The following SAMD12 variants were observed in gnomAD, a reference collection of about 807,000 sequenced individuals.
The protein encoded by SAMD12 is sterile alpha motif domain-containing protein 12.
SAMD12 carries 9 observed loss-of-function variants against 15.0 expected under a neutral mutation model. The ratio of observed to expected loss-of-function variants is 0.60; its 90% CI spans 0.36 to 1.05. The LOEUF (loss-of-function observed/expected upper bound fraction) is 1.05. Among genes scored for constraint, SAMD12 ranks in the 50% least tolerant of loss-of-function variants. The probability of loss-of-function intolerance (pLI) is 0.01; values close to 1 mark genes in which losing one functional copy is unlikely to be tolerated. For missense variants in SAMD12, 230 were observed against 234.2 expected (o/e 0.98, Z 0.12); for synonymous variants, 86 against 90.1 (o/e 0.96, Z 0.25).
At chr8:118,304,618 G>C (rs1357587340) in intron 4 of SAMD12, among the ~76,000 whole-genome samples, 8 of 151,906 alleles carry the variant, frequency 5.3e-5, no homozygotes, top group Non-Finnish European at 4.4e-5. Flanking sequence ...AAATTACCCG[G>C]GAGTGGTGGT....
Position 118,391,358 on chromosome 8 carries a change from TC to T in SAMD12, c.323-11659del, listed in dbSNP as rs573779038. ...CAAAACCTCTAGGTACTTTTATTTG[TC>T]TGCATTTGTATGCACTGGTTTGGGA... is the stretch of plus-strand genomic sequence containing the variant. On this transcript the variant is annotated intron_variant, in intron 3 of 3. Transcript: ENST00000314727. Among the ~76,000 whole-genome samples, 13 of 152,370 alleles carry T rather than the reference TC, an allele frequency of 8.5e-5. No individual in the cohort carries two copies. The East Asian group carries it at 2.5e-3, about 29-fold the overall frequency.
intron 2 of SAMD12, among the ~76,000 whole-genome samples, chr8:118,557,997 A>T (rs965399631): frequency 6.6e-6 from 1 of 152,182 alleles, no homozygotes; most frequent in African/African-American, 2.4e-5. Context: ...TGCATGAATA[A>T]AACAATCCAC....
chr8:118,453,663 G>A (rs940673341), intron 2 of SAMD12, among the ~76,000 whole-genome samples: 4 of 151,970 alleles, frequency 2.6e-5, no homozygotes, highest in African/African-American at 9.7e-5. Context: ...TGGGACTACA[G>A]GTGCATGCCC....
intron 2 of SAMD12, among the ~76,000 whole-genome samples, chr8:118,530,466 G>T (rs752178920): frequency 1.8e-4 from 28 of 152,134 alleles, no homozygotes; most frequent in African/African-American, 6.8e-4. Flanking sequence ...TGAGAACCTG[G>T]TATTTGGTTT....
intron 3 of SAMD12, among the ~76,000 whole-genome samples, chr8:118,424,563 G>A (rs1439801778): frequency 6.6e-6 from 1 of 152,114 alleles, no homozygotes; most frequent in East Asian, 1.9e-4. Flanking sequence ...AAACATTTAA[G>A]AGTAACATTA....
the SAMD12 span, among the ~76,000 whole-genome samples, chr8:118,165,639 T>TATATAC: frequency 1.1e-3 from 153 of 138,274 alleles, no homozygotes; most frequent in African/African-American, 4.4e-3. Flanking sequence ...TATATATACA[T>TATATAC]ATATATATAT....
At chr8:118,515,189 T>A (rs1363157019) in intron 2 of SAMD12, among the ~76,000 whole-genome samples, 1 of 136,584 alleles carries the variant, frequency 7.3e-6, no homozygotes, top group African/African-American at 3.1e-5. Context: ...CAGCTAATTT[T>A]TTTTTTTTTT....
At chr8:118,538,160 C>CTCTGTCTG (rs61235691) in intron 2 of SAMD12, among the ~76,000 whole-genome samples, 92 of 151,706 alleles carry the variant, frequency 6.1e-4, no homozygotes, top group East Asian at 1.9e-4. Flanking sequence ...TGGAGTTAGT[C>CTCTGTCTG]TCTGTCTGTC....
intron 2 of SAMD12, among the ~76,000 whole-genome samples, chr8:118,449,185 C>T (rs10109048): frequency 0.46 from 69,316 of 151,650 alleles, 17,903 homozygotes; most frequent in South Asian, 0.6. Context: ...TCCTTAGCCT[C>T]CCGAGTAGCT....
At chr8:118,404,461 TGA>T (rs1821027490) in intron 3 of SAMD12, among the ~76,000 whole-genome samples, 1 of 152,232 alleles carries the variant, frequency 6.6e-6, no homozygotes, top group African/African-American at 2.4e-5. Context: ...CCATTTGATG[TGA>T]TAGGTGGTTG....
chr8:118,278,390 T>C (rs889669911), intron 4 of SAMD12, among the ~76,000 whole-genome samples: 8 of 152,188 alleles, frequency 5.3e-5, no homozygotes, highest in Admixed American at 3.9e-4. Context: ...TGACAAAGGG[T>C]TAAGAAAAAG....
chr8:118,563,680 T>C (rs1270383713), intron 2 of SAMD12, among the ~76,000 whole-genome samples: 1 of 152,236 alleles, frequency 6.6e-6, no homozygotes, highest in Non-Finnish European at 1.5e-5. Flanking sequence ...AATTTCTACT[T>C]GCATCTCTAT....
intron 3 of SAMD12, among the ~76,000 whole-genome samples, chr8:118,429,475 G>GT (rs1319241651): frequency 1.3e-5 from 2 of 152,168 alleles, no homozygotes; most frequent in Non-Finnish European, 2.9e-5. Flanking sequence ...AGATCTCATA[G>GT]TTTTTTATAT....
chr8:118,596,251 A>G (rs527523087), intron 1 of SAMD12, among the ~76,000 whole-genome samples: 1 of 152,322 alleles, frequency 6.6e-6, no homozygotes, highest in South Asian at 2.1e-4. Flanking sequence ...TCCACACAAC[A>G]GCCAATACAC....
intron 2 of SAMD12, among the ~76,000 whole-genome samples, chr8:118,510,499 C>T (rs1825048548): frequency 6.6e-6 from 1 of 152,202 alleles, no homozygotes; most frequent in Non-Finnish European, 1.5e-5. Flanking sequence ...TTTATAATTT[C>T]ATTTACATAA....
chr8:118,355,876 A>C (rs989433450), intron 4 of SAMD12, among the ~76,000 whole-genome samples: 1 of 152,322 alleles, frequency 6.6e-6, no homozygotes, highest in East Asian at 1.9e-4. Context: ...GTTGACAAAA[A>C]ATCTAGCATG....
At chr8:118,480,634 C>A (rs73315386) in intron 2 of SAMD12, among the ~76,000 whole-genome samples, 4,860 of 152,176 alleles carry the variant, frequency 0.032, 203 homozygotes, top group African/African-American at 0.097. Flanking sequence ...CTGACTTGGG[C>A]CCCCTCAAAA....
At chr8:118,480,358 A>G (rs1824091340) in intron 2 of SAMD12, among the ~76,000 whole-genome samples, 1 of 152,226 alleles carries the variant, frequency 6.6e-6, no homozygotes, top group Non-Finnish European at 1.5e-5. Flanking sequence ...ATCCTGTACT[A>G]CCATATCTCA....
Position 118,372,692 on chromosome 8 carries a change from A to C in SAMD12, c.433+6868T>G, listed in dbSNP as rs116532822. ...GTCAAACAAACCTGCAAACAACTCAAATGTCCCACAGCTGGGGGATGGATA... is the reference window on the plus strand; with the variant it reads ...GTCAAACAAACCTGCAAACAACTCACATGTCCCACAGCTGGGGGATGGATA... On this transcript the variant is annotated intron_variant, in intron 4 of 4. Transcript: ENST00000409003. Among the ~76,000 whole-genome samples the C allele has an allele frequency of 9.0e-3, 1,370 of 152,196 alleles. 23 individuals are homozygous for C. Among genetic ancestry groups the C allele is most frequent in the African/African-American group, 0.032 (1,310 of 41,532 alleles).
Sources: allele counts gnomAD v4.1 joint callset (sites outside exome capture counted in the v4.1 genomes callset), GRCh38; gene constraint gnomAD v4.1.1; transcripts MANE v1.5; gene names NCBI Gene and HGNC (gene_info 2026-07-23, HGNC 2026-07-21).